The following LARGE1 variants were observed in gnomAD, a reference collection of about 807,000 sequenced individuals.
LARGE1 encodes the protein xylosyl- and glucuronyltransferase LARGE1.
Under a neutral mutation model 87.6 loss-of-function variants are expected in LARGE1, and 43 were observed. The ratio of observed to expected loss-of-function variants is 0.49; its 90% CI spans 0.38 to 0.63. The LOEUF is 0.63. LARGE1 is among the 30% of genes least tolerant of loss of function. LARGE1 has a pLI of 0.00. For missense variants in LARGE1, 802 were observed against 1,000.2 expected, an observed-to-expected ratio of 0.80 and a Z score of 2.67; for synonymous variants, 434 against 394.6, an observed-to-expected ratio of 1.10 and a Z score of -1.18.
chr22:33,852,548 G>A (rs1308926731), intron 1 of LARGE1, among the ~76,000 whole-genome samples: 1 of 151,946 alleles, frequency 6.6e-6, no homozygotes, highest in African/African-American at 2.4e-5. Flanking sequence ...CTGTTAGAAA[G>A]TGCTAAGTAC....
chr22:33,889,576 G>A (rs944537708), intron 1 of LARGE1, among the ~76,000 whole-genome samples: 3 of 152,130 alleles, frequency 2.0e-5, no homozygotes, highest in Non-Finnish European at 2.9e-5. Flanking sequence ...ATCAACTCAC[G>A]CCAAGACCAT....
intron 11 of LARGE1, among the ~76,000 whole-genome samples, chr22:33,236,968 C>G (rs549306548): frequency 6.6e-6 from 1 of 152,200 alleles, no homozygotes; most frequent in Non-Finnish European, 1.5e-5. Flanking sequence ...TCAAGTAAGA[C>G]AGTGGATGTG....
rs540210637 is a variant in LARGE1, at chr22:33,380,156, A to G, written c.1131+1763T>C. ...AAGCATGTAAAATATTTTTTAATCCAGCATTTTTACATATTCTTTACACAG... is the reference window on the plus strand; with the variant it reads ...AAGCATGTAAAATATTTTTTAATCCGGCATTTTTACATATTCTTTACACAG... On this transcript the variant is annotated intron_variant, in intron 9 of 14. Coordinates refer to ENST00000397394, the MANE Select transcript of LARGE1 (RefSeq NM_133642.5). 2.4e-3 allele frequency among the ~76,000 whole-genome samples: 369 copies of G among 152,330 alleles called. 1 individual carries two copies. Among genetic ancestry groups the G allele is most frequent in the Non-Finnish European group, 4.3e-3 (290 of 68,028 alleles).
intron 1 of LARGE1, among the ~76,000 whole-genome samples, chr22:33,791,518 T>C (rs1026599840): frequency 4.6e-5 from 7 of 152,202 alleles, no homozygotes; most frequent in East Asian, 1.9e-4. Flanking sequence ...TTATGCCTCT[T>C]TGGTTTCATT....
chr22:33,100,530 C>T, the LARGE1 span, among the ~76,000 whole-genome samples: 1 of 152,028 alleles, frequency 6.6e-6, no homozygotes, highest in Non-Finnish European at 1.5e-5. Flanking sequence ...AGAGATAGAA[C>T]ATTTCCAACT....
intron 4 of LARGE1, among the ~76,000 whole-genome samples, chr22:33,615,142 T>C (rs1013976701): frequency 2.0e-5 from 3 of 152,248 alleles, no homozygotes; most frequent in South Asian, 2.1e-4. Context: ...CTTTGTTCCC[T>C]GCTAGATGGA....
chr22:33,843,626 G>A (rs889181768), intron 1 of LARGE1, among the ~76,000 whole-genome samples: 4 of 151,358 alleles, frequency 2.6e-5, no homozygotes, highest in African/African-American at 9.7e-5. Context: ...CCTGCCCCAA[G>A]CCCTCCCTGT....
At chr22:33,370,097 T>C (rs1360251705) in intron 9 of LARGE1, among the ~76,000 whole-genome samples, 1 of 152,188 alleles carries the variant, frequency 6.6e-6, no homozygotes. Flanking sequence ...AGGGGACTGA[T>C]AGCCTAAAAT....
At chr22:33,544,760 T>G (rs1213679936) in intron 6 of LARGE1, among the ~76,000 whole-genome samples, 1 of 152,128 alleles carries the variant, frequency 6.6e-6, no homozygotes, top group Non-Finnish European at 1.5e-5. Flanking sequence ...GGCGTAATGC[T>G]TACTAGTTCT....
intron 1 of LARGE1, among the ~76,000 whole-genome samples, chr22:33,784,914 T>C (rs2085552898): frequency 6.6e-6 from 1 of 151,216 alleles, no homozygotes; most frequent in Non-Finnish European, 1.5e-5. Flanking sequence ...ATTATATGTG[T>C]GTGTATATAC....
chr22:33,179,641 T>G (rs1923058964), intron 11 of LARGE1, among the ~76,000 whole-genome samples: 1 of 152,190 alleles, frequency 6.6e-6, no homozygotes, highest in East Asian at 1.9e-4. Context: ...TACTCTTCTG[T>G]ATATCCCAAC....
chr22:33,701,497 G>T (rs2082402933), intron 2 of LARGE1, among the ~76,000 whole-genome samples: 1 of 152,202 alleles, frequency 6.6e-6, no homozygotes, highest in African/African-American at 2.4e-5. Flanking sequence ...GGTGGAACGT[G>T]ATTTAACAGT....
At chr22:33,486,698 T>C (rs2069594607) in intron 6 of LARGE1, among the ~76,000 whole-genome samples, 1 of 152,174 alleles carries the variant, frequency 6.6e-6, no homozygotes, top group Non-Finnish European at 1.5e-5. Context: ...TTGGCAACTG[T>C]CACACTTCAT....
At chr22:33,317,554 T>C (rs1049772561) in intron 10 of LARGE1, among the ~76,000 whole-genome samples, 8 of 152,234 alleles carry the variant, frequency 5.3e-5, no homozygotes, top group Non-Finnish European at 1.0e-4. Context: ...TTTAACTAGC[T>C]GTACTTCTCT....
At chr22:33,527,135 A>T (rs2071942698) in intron 6 of LARGE1, among the ~76,000 whole-genome samples, 3 of 152,156 alleles carry the variant, frequency 2.0e-5, no homozygotes, top group African/African-American at 7.2e-5. Flanking sequence ...GCATGCCTCT[A>T]ATCCCAGCTA....
chr22:33,800,960 T>C (rs2086142324), intron 1 of LARGE1, among the ~76,000 whole-genome samples: 1 of 152,194 alleles, frequency 6.6e-6, no homozygotes, highest in South Asian at 2.1e-4. Flanking sequence ...AATCTCAACT[T>C]GAATTTTATC....
At chr22:33,088,760 C>T in the LARGE1 span, among the ~76,000 whole-genome samples, 1 of 152,052 alleles carries the variant, frequency 6.6e-6, no homozygotes, top group Non-Finnish European at 1.5e-5. Context: ...GTTTTGAATC[C>T]CCGACTTTTA....
At chr22:33,596,365 G>C (rs1018140901) in intron 5 of LARGE1, among the ~76,000 whole-genome samples, 3 of 152,144 alleles carry the variant, frequency 2.0e-5, no homozygotes, top group Admixed American at 6.5e-5. Context: ...TCCATTCTGT[G>C]ATCTTGCCCT....
chr22:33,255,261 T>A (rs1052532276), intron 11 of LARGE1, among the ~76,000 whole-genome samples: 31 of 152,166 alleles, frequency 2.0e-4, no homozygotes, highest in African/African-American at 7.5e-4. Context: ...TCTATCTTAG[T>A]TGAGTCATTG....
Sources: allele counts gnomAD v4.1 joint callset (sites outside exome capture counted in the v4.1 genomes callset), GRCh38; gene constraint gnomAD v4.1.1; transcripts MANE v1.5; gene names NCBI Gene and HGNC (gene_info 2026-07-23, HGNC 2026-07-21).